The following DYNC2H1 variants were observed in gnomAD, a reference collection of about 807,000 sequenced individuals.
The protein encoded by DYNC2H1 is cytoplasmic dynein 2 heavy chain 1.
In DYNC2H1, 410 loss-of-function variants were observed where a neutral mutation model predicts 570.0. That is an observed-to-expected ratio of 0.72 (90% CI 0.66 to 0.78). The LOEUF is 0.78. DYNC2H1 is among the 30% of genes least tolerant of loss of function. The pLI, the probability that DYNC2H1 is intolerant of heterozygous loss-of-function variation, is 0.00. For missense variants in DYNC2H1, 4,865 were observed against 5,046.4 expected (o/e 0.96, Z 1.09); for synonymous variants, 1,688 against 1,677.6 (o/e 1.01, Z -0.15).
Position 103,307,824 on chromosome 11 carries a change from C to T in DYNC2H1, c.11486C>T (p.Thr3829Ile), listed in dbSNP as rs373465063. The change falls in exon 78 of 89, where the codon ACA (threonine) becomes ATA (isoleucine). Residue 3829 changes from threonine to isoleucine, a missense_variant. Physicochemically the swap from Thr to Ile is moderately conservative, Grantham distance 89. Around this residue, in one of 5 missense-constraint regions of DYNC2H1, gnomAD observed 2,401 missense variants for 2,454.6 expected, o/e 0.98. Coordinates refer to ENST00000375735, the MANE Select transcript of DYNC2H1 (RefSeq NM_001377.3). Reference protein sequence around the residue: ...PILLQSSLKITYESPPGLKKN... With the variant: ...PILLQSSLKIIYESPPGLKKN... Reference sequence around the variant, plus strand: ...TTACTACAGTCAAGTCTGAAGATAACATATGAGGTAAGAAGATTTAAAACT... The same window carrying T: ...TTACTACAGTCAAGTCTGAAGATAATATATGAGGTAAGAAGATTTAAAACT... The T allele has an allele frequency of 2.9e-5, 45 of 1,576,328 alleles. No individual in the cohort carries two copies. Among genetic ancestry groups the T allele is most frequent in the African/African-American group, 9.4e-5 (7 of 74,078 alleles).
chr11:103,194,909 G>A (rs970221260), intron 47 of DYNC2H1, among the ~76,000 whole-genome samples: 5 of 152,020 alleles, frequency 3.3e-5, no homozygotes, highest in Admixed American at 6.6e-5. Flanking sequence ...GTAGAGACGC[G>A]GTTTCATCAT....
intron 75 of DYNC2H1, among the ~76,000 whole-genome samples, chr11:103,294,444 G>A (rs920490142): frequency 3.9e-5 from 6 of 152,154 alleles, no homozygotes; most frequent in African/African-American, 1.4e-4. Flanking sequence ...GGAACCCTAA[G>A]CCCAAGAACT....
At chr11:103,457,343 G>A (rs1299557639) in intron 87 of DYNC2H1, among the ~76,000 whole-genome samples, 1 of 152,080 alleles carries the variant, frequency 6.6e-6, no homozygotes, top group Non-Finnish European at 1.5e-5. Context: ...AGGTCCTTCA[G>A]GAGGTATACA....
At chr11:103,224,068 T>C (rs1221518169) in intron 59 of DYNC2H1, among the ~76,000 whole-genome samples, 11 of 152,124 alleles carry the variant, frequency 7.2e-5, no homozygotes, top group Non-Finnish European at 5.9e-5. Context: ...CTTTTGTATT[T>C]GTTTTTACCT....
rs569913427 is a variant in DYNC2H1, at chr11:103,426,002, G to A, written c.12367-9941G>A. Among the ~76,000 whole-genome samples the A allele has an allele frequency of 3.4e-4, 51 of 152,176 alleles. No homozygotes were observed. In the Middle Eastern group the frequency reaches 0.014, roughly 41 times the overall value. ...TGTACGTGATGGCCATGATGCCCACGCTGAAGGTTGTGGGTTTACCAGAAT... is the reference window on the plus strand; with the variant it reads ...TGTACGTGATGGCCATGATGCCCACACTGAAGGTTGTGGGTTTACCAGAAT... On this transcript the variant is annotated intron_variant, in intron 84 of 88. Transcript: ENST00000375735.
At chr11:103,220,197 A>G (rs1259839844) in intron 56 of DYNC2H1, among the ~76,000 whole-genome samples, 169 bp downstream of exon 56, 1 of 152,220 alleles carries the variant, frequency 6.6e-6, no homozygotes, top group Non-Finnish European at 1.5e-5. Flanking sequence ...CTTCCAGGAA[A>G]AGTATAAATT....
chr11:103,446,106 C>A lies in DYNC2H1; in HGVS notation c.12457-9080C>A, dbSNP rs11225803. ...GGAGTGGTCTTGCAAATTAAAAGTT[C>A]TAATTTGAACATGATAAGTTTAGAT... On this transcript the variant is annotated intron_variant, in intron 85 of 88. Coordinates refer to ENST00000375735, the MANE Select transcript of DYNC2H1 (RefSeq NM_001377.3). This position sits in a 1 kb window ranked among gnomAD's most constrained non-coding sequence, Gnocchi z 4.5. Among the ~76,000 whole-genome samples, 22,218 of 151,656 alleles carry A rather than the reference C, an allele frequency of 0.15. 1,848 individuals carry two copies. The highest frequency in any genetic ancestry group is 0.26 in the East Asian group (1,323 of 5,126).
intron 28 of DYNC2H1, among the ~76,000 whole-genome samples, chr11:103,160,569 T>C (rs1591337999): frequency 6.6e-6 from 1 of 152,052 alleles, no homozygotes; most frequent in African/African-American, 2.4e-5. Context: ...TACTGATTGG[T>C]ACGTAGTAGT....
intron 70 of DYNC2H1, among the ~76,000 whole-genome samples, chr11:103,270,290 A>G (rs1414938761): frequency 2.0e-5 from 3 of 152,010 alleles, no homozygotes; most frequent in Admixed American, 6.6e-5. Context: ...TATGGGGGAT[A>G]CAATCCAAGA....
In DYNC2H1 at chr11:103,231,160, C is replaced by T. The variant is rs77561956; in HGVS notation, c.9354-100C>T. On this transcript the variant is annotated intron_variant, in intron 59 of 88. Transcript: ENST00000375735. The stretch of plus-strand genomic sequence containing the variant: ...AGGTGTTATAATACTGAGTTACTGA[C>T]AGTTTTAATTGTCATATGATTACAT... 28 of 597,388 alleles carry T rather than the reference C, an allele frequency of 4.7e-5. No homozygotes were observed. In the East Asian group the frequency reaches 8.2e-4, roughly 18 times the overall value. 37.0% of individuals were successfully genotyped at this position (597,388 alleles called of 1,614,324 possible).
Position 103,199,647 on chromosome 11 carries a change from T to G in DYNC2H1, c.8088+171T>G, listed in dbSNP as rs1862638770. ...TCTTTATTTTAATTTAGATTATTTT[T>G]TCCATGATTATTAGAAAATTACATT... On this transcript the variant is annotated intron_variant, in intron 49 of 88. Transcript: ENST00000375735. This position sits in a 1 kb window ranked among gnomAD's most constrained non-coding sequence, Gnocchi z 4.6. Among the ~76,000 whole-genome samples, 1 of 152,226 alleles carries G rather than the reference T, an allele frequency of 6.6e-6. No individual in the cohort carries two copies.
chr11:103,379,591 A>G (rs1470793190), intron 83 of DYNC2H1, among the ~76,000 whole-genome samples: 1 of 152,172 alleles, frequency 6.6e-6, no homozygotes, highest in Non-Finnish European at 1.5e-5. Flanking sequence ...CTTTCAAATC[A>G]TCCTTTATTA....
In DYNC2H1 at chr11:103,270,192, CAAAA is replaced by C. The variant is rs60584003; in HGVS notation, c.10696-10142_10696-10139del. On this transcript the variant is annotated intron_variant, in intron 70 of 88. Coordinates refer to ENST00000375735, the MANE Select transcript of DYNC2H1 (RefSeq NM_001377.3). ...TGGGTGACAGAGCAAGATTCCATCTCAAAAAAAAAAAAAAAAATAATAATAATAA... is the reference window on the plus strand; with the variant it reads ...TGGGTGACAGAGCAAGATTCCATCTCAAAAAAAAAAAAATAATAATAATAA... Among the ~76,000 whole-genome samples, 453 of 125,330 alleles carry C rather than the reference CAAAA, an allele frequency of 3.6e-3. 2 individuals are homozygous for C. Among genetic ancestry groups the C allele is most frequent in the African/African-American group, 0.012 (417 of 34,446 alleles). 82.2% of individuals were successfully genotyped at this position (125,330 alleles called of 152,430 possible).
chr11:103,144,046 T>C (rs1444460049), intron 18 of DYNC2H1, among the ~76,000 whole-genome samples: 2 of 152,228 alleles, frequency 1.3e-5, no homozygotes, highest in African/African-American at 4.8e-5. Flanking sequence ...CAAAACTTTG[T>C]GCTTTAGGAG....
intron 40 of DYNC2H1, among the ~76,000 whole-genome samples, chr11:103,184,326 T>C (rs1283797320): frequency 2.6e-5 from 4 of 151,944 alleles, no homozygotes; most frequent in Admixed American, 6.6e-5. Context: ...TGATTGGTTC[T>C]CCGTAAATAT....
intron 18 of DYNC2H1, among the ~76,000 whole-genome samples, chr11:103,143,943 A>G (rs2134833192): frequency 6.6e-6 from 1 of 152,360 alleles, no homozygotes; most frequent in South Asian, 2.1e-4. Flanking sequence ...GCCTTGTGTA[A>G]TCATGCATAT....
At chr11:103,428,950 G>A (rs956187044) in intron 84 of DYNC2H1, among the ~76,000 whole-genome samples, 22 of 152,004 alleles carry the variant, frequency 1.4e-4, no homozygotes, top group African/African-American at 5.3e-4. Context: ...AAGATAACAA[G>A]CATTCTATTT....
chr11:103,338,870 T>A (rs1353287963), intron 82 of DYNC2H1, among the ~76,000 whole-genome samples: 1 of 152,210 alleles, frequency 6.6e-6, no homozygotes, highest in East Asian at 1.9e-4. Context: ...TTGTTCTTGA[T>A]GCTTATGGAC....
intron 12 of DYNC2H1, among the ~76,000 whole-genome samples, chr11:103,126,413 G>C (rs1049325019): frequency 6.6e-6 from 1 of 152,156 alleles, no homozygotes; most frequent in Non-Finnish European, 1.5e-5. Context: ...TGCTTTGGTT[G>C]AGAATCACTG....
Sources: allele counts gnomAD v4.1 joint callset (sites outside exome capture counted in the v4.1 genomes callset), GRCh38; gene constraint gnomAD v4.1.1; regional missense constraint gnomAD v4.1.1; non-coding constraint Gnocchi (gnomAD v3.1); transcripts MANE v1.5; gene names NCBI Gene and HGNC (gene_info 2026-07-23, HGNC 2026-07-21).